The following PPIG variants were observed in gnomAD, a reference collection of about 807,000 sequenced individuals.
PPIG encodes peptidylprolyl isomerase G.
Under a neutral mutation model 87.9 loss-of-function variants are expected in PPIG, and 26 were observed. That is an observed-to-expected ratio of 0.30 (90% CI 0.22 to 0.41). The LOEUF (loss-of-function observed/expected upper bound fraction) is 0.41. Among genes scored for constraint, PPIG ranks in the 10% least tolerant of loss-of-function variants. PPIG has a pLI of 1.00. For missense variants in PPIG, 722 were observed against 879.4 expected, an observed-to-expected ratio of 0.82 and a Z score of 2.26; for synonymous variants, 308 against 276.5, an observed-to-expected ratio of 1.11 and a Z score of -1.13.
At chr2:169,634,588 T>C (rs1209905992) in intron 12 of PPIG, among the ~76,000 whole-genome samples, 2 of 152,200 alleles carry the variant, frequency 1.3e-5, no homozygotes, top group African/African-American at 4.8e-5. Context: ...TTCTTTAGGT[T>C]ACTGATTTTA....
chr2:169,586,504 T>A (rs547222117), intron 1 of PPIG, among the ~76,000 whole-genome samples: 3 of 152,348 alleles, frequency 2.0e-5, no homozygotes, highest in African/African-American at 7.2e-5. Context: ...GGTTCCTTTA[T>A]GGGTGAAGAG....
intron 1 of PPIG, among the ~76,000 whole-genome samples, chr2:169,599,907 G>A (rs934559298): frequency 5.3e-5 from 8 of 151,962 alleles, no homozygotes; most frequent in African/African-American, 1.9e-4. Context: ...ATTTCACATA[G>A]ACAAATAGAA....
chr2:169,584,927 G>A, intron 1 of PPIG: 1 of 201,948 alleles, frequency 5.0e-6, no homozygotes, highest in South Asian at 6.5e-5. Context: ...TGGGGAAGGG[G>A]GAGACAGCCT....
At chr2:169,589,998 A>T (rs1235841586) in intron 1 of PPIG, among the ~76,000 whole-genome samples, 2 of 151,914 alleles carry the variant, frequency 1.3e-5, no homozygotes, top group Admixed American at 6.6e-5. Context: ...AATCCCAGCT[A>T]CTCGGGAGGC....
At chr2:169,630,210 CTT>C (rs1553467989) in intron 9 of PPIG, among the ~76,000 whole-genome samples, 1 of 151,172 alleles carries the variant, frequency 6.6e-6, no homozygotes, top group East Asian at 2.0e-4. Flanking sequence ...TTTAAAATGA[CTT>C]TTTGTAGAGT....
At chr2:169,597,843 T>G (rs1685063012) in intron 1 of PPIG, among the ~76,000 whole-genome samples, 2 of 145,106 alleles carry the variant, frequency 1.4e-5, no homozygotes, top group African/African-American at 5.2e-5. Context: ...TCCTACACAC[T>G]TCTGTACCTT....
chr2:169,600,868 TA>T (rs1384106571), intron 1 of PPIG, among the ~76,000 whole-genome samples: 1 of 152,168 alleles, frequency 6.6e-6, no homozygotes, highest in Non-Finnish European at 1.5e-5. Context: ...AGATACATTT[TA>T]AACTTTTATG....
At chr2:169,624,632 G>C (rs1214277116) in intron 9 of PPIG, among the ~76,000 whole-genome samples, 1 of 152,158 alleles carries the variant, frequency 6.6e-6, no homozygotes, top group Non-Finnish European at 1.5e-5. Context: ...CTGTCACCCA[G>C]GCTGGAGTGC....
chr2:169,608,522 ATTTGATTCTCTTC>A (rs1414126913), intron 6 of PPIG, 136 bp from the exon 7 acceptor site: 1 of 479,136 alleles, frequency 2.1e-6, no homozygotes, highest in African/African-American at 2.0e-5. Flanking sequence ...ATTGATTCAT[ATTTGATTCTCTTC>A]TTTCATAACC....
At chr2:169,586,715 G>A (rs955029643) in intron 1 of PPIG, among the ~76,000 whole-genome samples, 3 of 152,138 alleles carry the variant, frequency 2.0e-5, no homozygotes, top group Non-Finnish European at 1.5e-5. Flanking sequence ...ACTATCTGGG[G>A]TTAATTCTTT....
intron 1 of PPIG, among the ~76,000 whole-genome samples, chr2:169,602,920 C>T (rs961770748): frequency 5.9e-5 from 9 of 152,148 alleles, no homozygotes; most frequent in African/African-American, 2.2e-4. Flanking sequence ...GTAATGAGAA[C>T]TTTTGGGATA....
intron 1 of PPIG, among the ~76,000 whole-genome samples, chr2:169,590,356 C>G (rs1684829492): frequency 6.6e-6 from 1 of 152,022 alleles, no homozygotes; most frequent in Non-Finnish European, 1.5e-5. Context: ...CTTAGAAAGT[C>G]AGGGCCTGGA....
rs769762372 is a variant in PPIG at position 169,604,209 on chromosome 2, A to G, written c.84A>G (p.Leu28=). Residue 28 remains leucine (L), a synonymous_variant, in exon 4 of 14, where the codon TTA becomes TTG. Coordinates refer to ENST00000260970, the MANE Select transcript of PPIG (RefSeq NM_004792.3). ...NQPAGRVVFE[L]FSDVCPKTCE... ...CAGCTGGAAGAGTTGTCTTTGAATT[A>G]TTTTCTGATGTGTGCCCCAAAACAT... 6.2e-7 allele frequency: 1 copy of G among 1,609,562 alleles called. No individual in the cohort carries two copies. Among genetic ancestry groups the G allele is most frequent in the South Asian group, 1.1e-5 (1 of 90,948 alleles).
chr2:169,612,089 C>T (rs925191362), intron 7 of PPIG, among the ~76,000 whole-genome samples: 2 of 152,070 alleles, frequency 1.3e-5, no homozygotes, highest in Admixed American at 1.3e-4. Flanking sequence ...GATCCTACCG[C>T]CTCAGCCTCC....
rs769596706 is a variant in PPIG, at chr2:169,636,496, C to G, written c.1238C>G (p.Ser413Cys). ...ERKITDHRNV[S>C]ESPNRKNEKE... ...AAAATAACAGATCACAGGAATGTAT[C>G]TGAGAGTCCAAACAGAAAAAATGAA... Residue 413 changes from serine to cysteine, a missense_variant, in exon 14 of 14, where the codon TCT becomes TGT. This residue lies in a region of PPIG where 476 missense variants were observed against 483.1 expected (regional missense o/e 0.99). Coordinates refer to ENST00000260970, the MANE Select transcript of PPIG (RefSeq NM_004792.3). The G allele has an allele frequency of 1.9e-6, 3 of 1,606,754 alleles. No individual in the cohort carries two copies. Among genetic ancestry groups the G allele is most frequent in the Non-Finnish European group, 2.5e-6 (3 of 1,177,654 alleles).
chr2:169,608,233 G>C (rs1359175959), intron 6 of PPIG, among the ~76,000 whole-genome samples: 1 of 151,836 alleles, frequency 6.6e-6, no homozygotes, highest in Non-Finnish European at 1.5e-5. Context: ...GCTCATGCCT[G>C]TAATCCCAGC....
intron 7 of PPIG, among the ~76,000 whole-genome samples, chr2:169,612,572 C>T (rs896091541): frequency 6.6e-6 from 1 of 151,824 alleles, no homozygotes; most frequent in Non-Finnish European, 1.5e-5. Flanking sequence ...TTAGTAGAGA[C>T]GGGGTTTCAC....
chr2:169,602,679 T>C (rs1056095122), intron 1 of PPIG, among the ~76,000 whole-genome samples: 5 of 152,214 alleles, frequency 3.3e-5, no homozygotes, highest in Non-Finnish European at 7.3e-5. Context: ...GTGGCTCATG[T>C]TTTTATTGAG....
At position 169,610,892 on chromosome 2, in the gene PPIG, C is replaced by A. The variant is rs916764654; in HGVS notation, c.377+2134C>A. ...TCAACCAATTGCACATAATGTGGAT[C>A]TCTGATTTTCTTTTTAAACAAAACA... On this transcript the variant is annotated intron_variant, in intron 7 of 13. Transcript: ENST00000260970. Among the ~76,000 whole-genome samples the A allele has an allele frequency of 2.6e-5, 4 of 152,284 alleles. No individual in the cohort carries two copies. In the East Asian group the frequency reaches 7.7e-4, roughly 29 times the overall value.
Sources: allele counts gnomAD v4.1 joint callset (sites outside exome capture counted in the v4.1 genomes callset), GRCh38; gene constraint gnomAD v4.1.1; regional missense constraint gnomAD v4.1.1; transcripts MANE v1.5; gene names NCBI Gene and HGNC (gene_info 2026-07-23, HGNC 2026-07-21).